The following TMEFF2 variants were observed in gnomAD, a reference collection of about 807,000 sequenced individuals.
TMEFF2 encodes the protein transmembrane protein with EGF like and two follistatin like domains 2.
A neutral mutation model predicts 53.8 loss-of-function variants in TMEFF2; 28 were observed. The ratio of observed to expected loss-of-function variants is 0.52; its 90% CI spans 0.39 to 0.71. The LOEUF (loss-of-function observed/expected upper bound fraction) is 0.71, where lower values mean the gene tolerates loss of function less well. TMEFF2 is among the 30% of genes least tolerant of loss of function. TMEFF2 has a pLI of 0.00. For synonymous variants in TMEFF2, 162 were observed against 166.3 expected (o/e 0.97, Z 0.20); for missense variants, 353 against 455.2 (o/e 0.78, Z 2.04).
chr2:192,159,075 A>G (rs1177290861), intron 4 of TMEFF2, among the ~76,000 whole-genome samples: 2 of 152,180 alleles, frequency 1.3e-5, no homozygotes, highest in Non-Finnish European at 2.9e-5. Context: ...ATTATTCTAT[A>G]AAGATTATTT....
Position 192,044,179 on chromosome 2 carries a change from A to C in TMEFF2, c.536+13500T>G, listed in dbSNP as rs922769379. 2.0e-5 allele frequency: 3 copies of C among 152,172 alleles called. No individual in the cohort carries two copies. In the East Asian group the frequency reaches 5.8e-4, roughly 29 times the overall value. 9.4% of individuals were successfully genotyped at this position (152,172 alleles called of 1,614,324 possible). ...TGTTAATTCTCTACCACTATGTCAT[A>C]ATTTAGTTTGCAGGAATCTTTATCA... is the stretch of plus-strand genomic sequence containing the variant. On this transcript the variant is annotated intron_variant, in intron 5 of 9. Transcript: ENST00000272771.
chr2:192,075,345 T>C (rs1688409248), intron 4 of TMEFF2, among the ~76,000 whole-genome samples: 1 of 64,398 alleles, frequency 1.6e-5, no homozygotes, highest in Non-Finnish European at 3.4e-5. Flanking sequence ...ATACATACTA[T>C]GTATATCCTT....
At chr2:192,108,229 T>G (rs903840356) in intron 4 of TMEFF2, among the ~76,000 whole-genome samples, 1 of 151,832 alleles carries the variant, frequency 6.6e-6, no homozygotes, top group Non-Finnish European at 1.5e-5. Flanking sequence ...TATTTGGACC[T>G]TGGACAAAAC....
At chr2:192,110,663 T>C (rs1026417402) in intron 4 of TMEFF2, among the ~76,000 whole-genome samples, 2 of 152,210 alleles carry the variant, frequency 1.3e-5, no homozygotes, top group Non-Finnish European at 2.9e-5. Context: ...CTTTGTACCA[T>C]TAATTTTTCA....
At chr2:192,106,477 T>C (rs1240681272) in intron 4 of TMEFF2, among the ~76,000 whole-genome samples, 2 of 151,932 alleles carry the variant, frequency 1.3e-5, no homozygotes, top group East Asian at 1.9e-4. Context: ...TACCATTTCA[T>C]GTTATTTTCT....
intron 5 of TMEFF2, among the ~76,000 whole-genome samples, chr2:192,042,561 G>A (rs1687512354): frequency 6.6e-6 from 1 of 152,128 alleles, no homozygotes; most frequent in South Asian, 2.1e-4. Flanking sequence ...AACATGTGTA[G>A]GAATGGACAC....
intron 4 of TMEFF2, among the ~76,000 whole-genome samples, chr2:192,158,419 C>G (rs1690556688): frequency 6.6e-6 from 1 of 152,034 alleles, no homozygotes; most frequent in Non-Finnish European, 1.5e-5. Context: ...TTTTAGCCAT[C>G]AGTAATGTTC....
intron 4 of TMEFF2, among the ~76,000 whole-genome samples, chr2:192,160,159 C>T (rs115500831): frequency 0.016 from 2,398 of 151,958 alleles, 57 homozygotes; most frequent in African/African-American, 0.054. Flanking sequence ...GGAGGGGAGG[C>T]CAAGTTGGGT....
In TMEFF2 at chr2:192,082,290, C is replaced by T. The variant is rs908213170; in HGVS notation, c.440-24515G>A. On this transcript the variant is annotated intron_variant, in intron 4 of 9. Transcript: ENST00000272771. Reference sequence around the variant, plus strand: ...TCCCTTACCCGTGGCACACACTTCTCGTCTAGCCTAGTGCTCTTTCCCGCT... The same window carrying T: ...TCCCTTACCCGTGGCACACACTTCTTGTCTAGCCTAGTGCTCTTTCCCGCT... Among the ~76,000 whole-genome samples, 7 of 152,140 alleles carry T rather than the reference C, an allele frequency of 4.6e-5. No individual in the cohort carries two copies. The South Asian group carries it at 1.4e-3, about 31-fold the overall frequency.
intron 4 of TMEFF2, among the ~76,000 whole-genome samples, chr2:192,123,385 A>G (rs1689605012): frequency 6.6e-6 from 1 of 152,204 alleles, no homozygotes; most frequent in South Asian, 2.1e-4. Flanking sequence ...TAGATTACAA[A>G]AACAATTAAA....
intron 4 of TMEFF2, among the ~76,000 whole-genome samples, chr2:192,085,874 G>C (rs1053717379): frequency 7.2e-5 from 11 of 152,076 alleles, no homozygotes; most frequent in African/African-American, 2.2e-4. Flanking sequence ...TAGTATTCTA[G>C]AGAACTCTGC....
chr2:192,010,309 T>C (rs1176088339), intron 5 of TMEFF2, among the ~76,000 whole-genome samples: 6 of 152,162 alleles, frequency 3.9e-5, no homozygotes, highest in Non-Finnish European at 4.4e-5. Flanking sequence ...TGGTCAGAAA[T>C]AGTTGTGAGC....
intron 5 of TMEFF2, among the ~76,000 whole-genome samples, chr2:192,010,060 A>G (rs530293957): frequency 2.2e-4 from 33 of 152,362 alleles, no homozygotes; most frequent in Admixed American, 2.0e-3. Context: ...GGACCAAGAT[A>G]ATGTTTCTTT....
intron 4 of TMEFF2, among the ~76,000 whole-genome samples, chr2:192,132,049 G>A (rs2105978435): frequency 6.6e-6 from 1 of 151,974 alleles, no homozygotes; most frequent in Non-Finnish European, 1.5e-5. Flanking sequence ...CCAACCCCAA[G>A]CGTCACTGAG....
chr2:192,025,956 G>A (rs563770752), intron 5 of TMEFF2, among the ~76,000 whole-genome samples: 52 of 152,234 alleles, frequency 3.4e-4, no homozygotes, highest in African/African-American at 1.2e-3. Flanking sequence ...TTGTTGCTTG[G>A]TTATTCATAC....
At chr2:192,141,882 C>T (rs2105990623) in intron 4 of TMEFF2, among the ~76,000 whole-genome samples, 2 of 152,208 alleles carry the variant, frequency 1.3e-5, no homozygotes, top group Middle Eastern at 6.8e-3. Flanking sequence ...TAGGTTGAGG[C>T]TCTTTACAAA....
intron 5 of TMEFF2, among the ~76,000 whole-genome samples, chr2:192,001,254 C>T (rs905731491): frequency 1.3e-5 from 2 of 152,134 alleles, no homozygotes; most frequent in African/African-American, 4.8e-5. Flanking sequence ...TATGTTCTGT[C>T]ACTTGTCTAC....
chr2:192,134,764 C>T (rs565384991), intron 4 of TMEFF2, among the ~76,000 whole-genome samples: 414 of 152,272 alleles, frequency 2.7e-3, no homozygotes, highest in Admixed American at 4.4e-3. Context: ...GCCACCGCAG[C>T]CATTTCTTCC....
chr2:192,015,838 A>G (rs55753940), intron 5 of TMEFF2, among the ~76,000 whole-genome samples: 63,861 of 151,916 alleles, frequency 0.42, 14,566 homozygotes, highest in East Asian at 0.59. Flanking sequence ...TGCCAGTGTC[A>G]CAAATGTTGG....
Sources: gnomAD v4.1 joint callset for allele counts (sites outside exome capture counted in the v4.1 genomes callset) on GRCh38, gnomAD v4.1.1 for gene constraint, MANE v1.5 for transcripts, NCBI Gene and HGNC (gene_info 2026-07-23, HGNC 2026-07-21) for gene names.